Variants in ABCB11 observed in about 807,000 individuals in gnomAD.
ABCB11 encodes the protein bile salt export pump.
A neutral mutation model predicts 148.0 loss-of-function variants in ABCB11; 95 were observed. The ratio of observed to expected loss-of-function variants is 0.64; its 90% confidence interval spans 0.54 to 0.76. The LOEUF is 0.76. ABCB11 is among the 30% of genes least tolerant of loss of function. The probability of loss-of-function intolerance (pLI) is 0.00; values close to 1 mark genes in which losing one functional copy is unlikely to be tolerated. For missense variants in ABCB11, 1,523 were observed against 1,617.8 expected (o/e 0.94, Z 1.01); for synonymous variants, 591 against 555.4 (o/e 1.06, Z -0.90).
chr2:168,916,591 G>C (rs1690945680), downstream of ABCB11, among the ~76,000 whole-genome samples: 1 of 152,068 alleles, frequency 6.6e-6, no homozygotes, highest in African/African-American at 2.4e-5. Flanking sequence ...AAATTAATTG[G>C]GCATTTAATT....
At chr2:169,007,785 A>G (rs958894938) in intron 5 of ABCB11, among the ~76,000 whole-genome samples, 1 of 152,226 alleles carries the variant, frequency 6.6e-6, no homozygotes, top group Non-Finnish European at 1.5e-5. Flanking sequence ...CAAACTAGAC[A>G]TCACCAAAAT....
intron 11 of ABCB11, among the ~76,000 whole-genome samples, chr2:168,977,409 A>C (rs1693956028): frequency 6.6e-6 from 1 of 152,056 alleles, no homozygotes. Flanking sequence ...GTGTTCCTAA[A>C]TGATGTGTTC....
intron 5 of ABCB11, among the ~76,000 whole-genome samples, chr2:168,999,033 T>C (rs908247259): frequency 4.6e-5 from 7 of 152,072 alleles, no homozygotes; most frequent in Non-Finnish European, 8.8e-5. Context: ...CTTGTCATCA[T>C]AAAACCCCAG....
Position 168,979,874 on chromosome 2 carries a change from T to G in ABCB11, c.1189A>C (p.Ile397Leu). 1.3e-6 allele frequency: 2 copies of G among 1,591,004 alleles called. No individual in the cohort carries two copies. Among genetic ancestry groups the G allele is most frequent in the Non-Finnish European group, 8.6e-7 (1 of 1,164,660 alleles). Residue 397 changes from isoleucine to leucine, a missense_variant, in exon 11 of 28, where the codon ATA (isoleucine) becomes CTA (leucine). Coordinates refer to ENST00000650372, the MANE Select transcript of ABCB11 (RefSeq NM_003742.4). ...TTTTGGCTTATACATACCCTGTCTA[T>G]TGTCTCAAAAATGCTGGTGGCTGCT... The part of the protein sequence containing the change: ...RAAATSIFET[I>L]DRKPIIDCMS...
chr2:168,973,879 T>C (rs1164994559), intron 12 of ABCB11, 39 bp from the exon 13 acceptor site: 3 of 1,603,738 alleles, frequency 1.9e-6, no homozygotes, highest in Non-Finnish European at 2.6e-6. Context: ...AGATTGTCAC[T>C]GTTTACCAAA....
intron 19 of ABCB11, among the ~76,000 whole-genome samples, chr2:168,957,552 A>T (rs1335786115): frequency 1.3e-5 from 2 of 151,674 alleles, no homozygotes; most frequent in African/African-American, 4.8e-5. Context: ...TATACATCAA[A>T]CACTAACACC....
intron 19 of ABCB11, among the ~76,000 whole-genome samples, chr2:168,952,901 G>C (rs1217028844): frequency 6.6e-6 from 1 of 151,194 alleles, no homozygotes; most frequent in Non-Finnish European, 1.5e-5. Flanking sequence ...TTGGTATGTT[G>C]TGTTTTCATT....
intron 19 of ABCB11, among the ~76,000 whole-genome samples, chr2:168,951,951 G>C (rs993468019): frequency 2.0e-5 from 3 of 151,554 alleles, no homozygotes; most frequent in Admixed American, 6.6e-5. Context: ...TATCAAGAAG[G>C]GATGATGAAT....
Position 168,996,702 on chromosome 2 carries a change from T to C in ABCB11, c.410A>G (p.Glu137Gly). ...ATAGTAACTGGCAAATTTGATCATT[T>C]CGCTCTCGATGTTCAGCAACCTTCA... is the stretch of plus-strand genomic sequence containing the variant. ...TRCGLLNIES[E>G]MIKFASYYAG... Residue 137 changes from glutamate to glycine, a missense_variant, in exon 6 of 28, where the codon GAA becomes GGA. Coordinates refer to ENST00000650372, the MANE Select transcript of ABCB11 (RefSeq NM_003742.4). The C allele has an allele frequency of 6.4e-7, 1 of 1,567,166 alleles. No homozygotes were observed. Among genetic ancestry groups the C allele is most frequent in the South Asian group, 1.2e-5 (1 of 83,590 alleles).
chr2:168,994,823 G>A (rs1694663122), intron 7 of ABCB11, among the ~76,000 whole-genome samples: 1 of 152,024 alleles, frequency 6.6e-6, no homozygotes, highest in Non-Finnish European at 1.5e-5. Context: ...CAGGTATTAG[G>A]CCATTGTGTT....
intron 5 of ABCB11, among the ~76,000 whole-genome samples, chr2:169,000,967 G>A (rs1054601385): frequency 2.6e-5 from 4 of 152,106 alleles, no homozygotes; most frequent in African/African-American, 7.2e-5. Flanking sequence ...TATCTATAGC[G>A]TTTTTAAGTG....
intron 1 of ABCB11, among the ~76,000 whole-genome samples, chr2:169,028,492 C>G (rs1695766791): frequency 6.6e-6 from 1 of 152,044 alleles, no homozygotes; most frequent in Non-Finnish European, 1.5e-5. Context: ...CAGGGAAGGA[C>G]ACATGCAAAG....
intron 9 of ABCB11, among the ~76,000 whole-genome samples, chr2:168,987,156 T>C (rs1318292599): frequency 6.6e-6 from 1 of 152,054 alleles, no homozygotes; most frequent in Non-Finnish European, 1.5e-5. Flanking sequence ...TAATAAGAGG[T>C]TGTAAATCCT....
At chr2:168,950,104 A>G (rs1024234671) in intron 19 of ABCB11, among the ~76,000 whole-genome samples, 1 of 148,788 alleles carries the variant, frequency 6.7e-6, no homozygotes, top group Non-Finnish European at 1.5e-5. Flanking sequence ...TATATATATA[A>G]AATGATATAT....
At chr2:169,018,916 A>G (rs1695449615) in intron 1 of ABCB11, among the ~76,000 whole-genome samples, 1 of 152,172 alleles carries the variant, frequency 6.6e-6, no homozygotes, top group Non-Finnish European at 1.5e-5. Context: ...AGAAGTACCG[A>G]AGAGTAAGCA....
In ABCB11 at chr2:169,018,129, A is replaced by G. The variant is rs1165704089; in HGVS notation, c.-4T>C. The stretch of plus-strand genomic sequence containing the variant: ...GAAGAATTACTGAGTCAGACATGGT[A>G]ATTGCAACCCACAGCCAACGACCCT... On this transcript the variant is annotated 5_prime_UTR_variant, in exon 2 of 28. Transcript: ENST00000650372. The G allele has an allele frequency of 6.2e-7, 1 of 1,613,552 alleles. No individual in the cohort carries two copies.
At chr2:169,007,952 A>G (rs796088493) in intron 5 of ABCB11, among the ~76,000 whole-genome samples, 1 of 152,200 alleles carries the variant, frequency 6.6e-6, no homozygotes, top group African/African-American at 2.4e-5. Flanking sequence ...CATATATCCC[A>G]GTTTTAAAAA....
chr2:168,961,669 C>T (rs182085531), intron 18 of ABCB11, among the ~76,000 whole-genome samples: 6 of 151,768 alleles, frequency 4.0e-5, no homozygotes, highest in Admixed American at 3.9e-4. Context: ...AACATCTGAC[C>T]CCGTTTACAG....
chr2:168,976,574 C>G lies in ABCB11; in HGVS notation c.1308+3G>C. On this transcript the variant is annotated splice_donor_region_variant and intron_variant, in intron 12 of 27. Transcript: ENST00000650372. The stretch of plus-strand genomic sequence containing the variant: ...CTATTCTGGGGAACAGACCAGCACT[C>G]ACCTTCACCTCTGGTCTGGAAGGAT... 1 of 1,543,838 alleles carries G rather than the reference C, an allele frequency of 6.5e-7. No homozygotes were observed. The highest frequency in any genetic ancestry group is 8.9e-7 in the Non-Finnish European group (1 of 1,121,714).
Sources: gnomAD v4.1 joint callset for allele counts (sites outside exome capture counted in the v4.1 genomes callset) on GRCh38, gnomAD v4.1.1 for gene constraint, MANE v1.5 for transcripts, NCBI Gene and HGNC (gene_info 2026-07-23, HGNC 2026-07-21) for gene names.